The following AK5 variants were observed in gnomAD, a reference collection of about 807,000 sequenced individuals.
AK5 encodes the protein adenylate kinase 5.
In AK5, 27 loss-of-function variants were observed where a neutral mutation model predicts 69.5. The ratio of observed to expected loss-of-function variants is 0.39; its 90% confidence interval spans 0.29 to 0.54. The LOEUF (loss-of-function observed/expected upper bound fraction) is 0.54. Ranked by LOEUF, AK5 falls within the 20% of genes least tolerant of loss-of-function variation. The pLI, the probability that AK5 is intolerant of heterozygous loss-of-function variation, is 0.71. For missense variants in AK5, 531 were observed against 700.4 expected, an observed-to-expected ratio of 0.76 and a Z score of 2.73; for synonymous variants, 260 against 244.4, an observed-to-expected ratio of 1.06 and a Z score of -0.60.
At chr1:77,542,115 T>C (rs952993101) in intron 13 of AK5, among the ~76,000 whole-genome samples, 59 of 152,164 alleles carry the variant, frequency 3.9e-4, no homozygotes, top group African/African-American at 1.3e-3. Context: ...GATCACAAGG[T>C]CGGCAGTTCG....
At position 77,297,721 on chromosome 1, in the gene AK5, C is replaced by A; in HGVS notation, c.578C>A (p.Ala193Asp). The change falls in exon 4 of 14, where the codon GCC (alanine) becomes GAC (aspartate). Residue 193 changes from alanine to aspartate, a missense_variant. By Grantham distance (126) the Ala-to-Asp change is moderately radical (BLOSUM62 -2). Transcript: ENST00000354567. Reference protein sequence around the residue: ...IAKIITTGELAPQETTITEIK... With the variant: ...IAKIITTGELDPQETTITEIK... ...AAGATAATTACAACTGGAGAATTGG[C>A]CCCACAGGTACTGCTGTATAATTAT... The A allele has an allele frequency of 1.2e-6, 2 of 1,612,218 alleles. No homozygotes were observed. Among genetic ancestry groups the A allele is most frequent in the Non-Finnish European group, 1.7e-6 (2 of 1,179,330 alleles).
rs555523058 is a variant in AK5 at position 77,298,901 on chromosome 1, A to G, written c.699+954A>G. Among the ~76,000 whole-genome samples, 277 of 152,252 alleles carry G rather than the reference A, an allele frequency of 1.8e-3. 1 individual carries two copies. The highest frequency in any genetic ancestry group is 3.5e-3 in the Admixed American group (53 of 15,282). ...TACAAATTTTAAGTCTATCTGTAAA[A>G]CGTGAAAGTCCATCAATACCCTCCC... On this transcript the variant is annotated intron_variant, in intron 5 of 13. Coordinates refer to ENST00000354567, the MANE Select transcript of AK5 (RefSeq NM_174858.3).
chr1:77,372,968 G>A (rs932202352), intron 6 of AK5, among the ~76,000 whole-genome samples: 5 of 152,128 alleles, frequency 3.3e-5, no homozygotes, highest in African/African-American at 1.2e-4. Flanking sequence ...ATTCTTTGAT[G>A]TTTAGGTTTC....
Position 77,293,905 on chromosome 1 carries a change from G to A in AK5, c.360G>A (p.Glu120=), listed in dbSNP as rs147092224. 57 of 1,613,434 alleles carry A rather than the reference G, an allele frequency of 3.5e-5. No homozygotes were observed. In the Middle Eastern group the frequency reaches 9.9e-4, roughly 28 times the overall value. ...TCTCTGAGACTGCAGAGTTGATTGA[G>A]GAGTATGAGGTTTTTGATCCTACCA... ...TDLSETAELI[E]EYEVFDPTRP... Residue 120 remains glutamate (E), a synonymous_variant, in exon 3 of 14, where the codon GAG becomes GAA. Transcript: ENST00000354567.
intron 8 of AK5, among the ~76,000 whole-genome samples, chr1:77,475,471 AT>A (rs1357605697): frequency 8.0e-5 from 2 of 25,134 alleles, no homozygotes; most frequent in African/African-American, 1.8e-4. Context: ...TATATTATAT[AT>A]GTATATATAT....
At chr1:77,531,836 CAGG>C (rs1001219167) in intron 12 of AK5, among the ~76,000 whole-genome samples, 1 of 121,170 alleles carries the variant, frequency 8.3e-6, no homozygotes, top group African/African-American at 3.2e-5. Flanking sequence ...TGGTGCCGCG[CAGG>C]AGACCAGGGG....
At chr1:77,546,490 T>C (rs919882442) in intron 13 of AK5, among the ~76,000 whole-genome samples, 1 of 152,110 alleles carries the variant, frequency 6.6e-6, no homozygotes, top group African/African-American at 2.4e-5. Context: ...AGGGCAGATC[T>C]CTTGAGGTCA....
intron 8 of AK5, among the ~76,000 whole-genome samples, chr1:77,442,059 A>T (rs1162354257): frequency 6.6e-6 from 1 of 152,040 alleles, no homozygotes. Context: ...AGGGCACAGG[A>T]TATGGCTGCA....
chr1:77,523,048 G>T (rs776986622), intron 12 of AK5, among the ~76,000 whole-genome samples: 2 of 152,138 alleles, frequency 1.3e-5, no homozygotes, highest in Non-Finnish European at 2.9e-5. Context: ...GATTTTGCGG[G>T]ACCCATCGCC....
At chr1:77,546,500 A>G (rs1460828066) in intron 13 of AK5, among the ~76,000 whole-genome samples, 4 of 152,204 alleles carry the variant, frequency 2.6e-5, no homozygotes, top group East Asian at 3.9e-4. Flanking sequence ...TCTTGAGGTC[A>G]GGAGTTTGAG....
At chr1:77,400,292 C>T (rs1191700704) in intron 6 of AK5, among the ~76,000 whole-genome samples, 2 of 152,108 alleles carry the variant, frequency 1.3e-5, no homozygotes, top group Non-Finnish European at 1.5e-5. Flanking sequence ...TGGATCCTGG[C>T]TCTGCAATGT....
intron 6 of AK5, among the ~76,000 whole-genome samples, chr1:77,345,518 A>T (rs944836284): frequency 1.3e-5 from 2 of 152,178 alleles, no homozygotes; most frequent in African/African-American, 4.8e-5. Context: ...TAGGGGTGAG[A>T]TGACTTTTTA....
At chr1:77,387,814 A>G (rs536529185) in intron 6 of AK5, among the ~76,000 whole-genome samples, 57 of 152,352 alleles carry the variant, frequency 3.7e-4, no homozygotes, top group African/African-American at 1.3e-3. Context: ...AGGACTTGGT[A>G]TCTGATTAGT....
At chr1:77,550,854 A>G (rs1167316071) in intron 13 of AK5, among the ~76,000 whole-genome samples, 3 of 152,142 alleles carry the variant, frequency 2.0e-5, no homozygotes, top group Non-Finnish European at 4.4e-5. Context: ...TTCCCACCCA[A>G]TTCAACTGGG....
intron 5 of AK5, among the ~76,000 whole-genome samples, chr1:77,327,472 A>G (rs1038368084): frequency 6.6e-6 from 1 of 151,998 alleles, no homozygotes; most frequent in Admixed American, 6.6e-5. Context: ...AAATCTCTGC[A>G]GTGATTTTTC....
chr1:77,425,323 C>T (rs1329820258), intron 8 of AK5, among the ~76,000 whole-genome samples: 3 of 152,170 alleles, frequency 2.0e-5, no homozygotes, highest in Non-Finnish European at 4.4e-5. Context: ...TGGTGGCTCA[C>T]GCCTGTAATC....
chr1:77,302,140 T>G (rs532730496), intron 5 of AK5, among the ~76,000 whole-genome samples: 82 of 152,148 alleles, frequency 5.4e-4, no homozygotes, highest in Non-Finnish European at 1.0e-3. Context: ...CCTCAAGTGA[T>G]CATCCTCTCT....
At chr1:77,282,572 TAGA>T in intron 1 of AK5, 199 bp downstream of exon 1, 1 of 1,357,426 alleles carries the variant, frequency 7.4e-7, no homozygotes, top group Non-Finnish European at 9.5e-7. Flanking sequence ...AGGCTGGGCT[TAGA>T]AGCCTGCATC....
chr1:77,532,763 C>T (rs983219983), intron 12 of AK5, among the ~76,000 whole-genome samples: 1 of 152,110 alleles, frequency 6.6e-6, no homozygotes, highest in African/African-American at 2.4e-5. Flanking sequence ...ATGGAGAATC[C>T]GGTGAGGCTG....
Sources: gnomAD v4.1 joint callset for allele counts (sites outside exome capture counted in the v4.1 genomes callset) on GRCh38, gnomAD v4.1.1 for gene constraint, MANE v1.5 for transcripts, NCBI Gene and HGNC (gene_info 2026-07-23, HGNC 2026-07-21) for gene names.